The following ATP8B4 variants were observed in gnomAD, a reference collection of about 807,000 sequenced individuals.
ATP8B4 encodes ATPase phospholipid transporting 8B4 (putative), also known as probable phospholipid-transporting ATPase IM.
In ATP8B4, 133 loss-of-function variants were observed where a neutral mutation model predicts 145.6. The ratio of observed to expected loss-of-function variants is 0.91; its 90% CI spans 0.79 to 1.05. The LOEUF is 1.05. Ranked by LOEUF, ATP8B4 falls within the 50% of genes least tolerant of loss-of-function variation. The probability of loss-of-function intolerance (pLI) is 0.00; values close to 1 mark genes in which losing one functional copy is unlikely to be tolerated. For synonymous variants in ATP8B4, 507 were observed against 492.9 expected (o/e 1.03, Z -0.38); for missense variants, 1,458 against 1,425.2 (o/e 1.02, Z -0.37).
intron 1 of ATP8B4, among the ~76,000 whole-genome samples, chr15:50,177,233 G>T (rs578086886): frequency 3.9e-5 from 6 of 152,256 alleles, no homozygotes; most frequent in Non-Finnish European, 8.8e-5. Context: ...TGTGCATTAG[G>T]TGCCTCAAAT....
intron 2 of ATP8B4, among the ~76,000 whole-genome samples, chr15:50,074,931 G>A (rs1567310726): frequency 6.6e-6 from 1 of 152,184 alleles, no homozygotes; most frequent in African/African-American, 2.4e-5. Context: ...GGTACTTCCA[G>A]AGTTGACCAA....
At chr15:50,074,335 C>A in intron 2 of ATP8B4, 150 bp from the exon 3 acceptor site, 1 of 659,122 alleles carries the variant, frequency 1.5e-6, no homozygotes, top group East Asian at 2.8e-5. Context: ...TTCCAGTGTA[C>A]ATGTTGGAAC....
chr15:50,092,741 A>G (rs1280426163), intron 2 of ATP8B4, among the ~76,000 whole-genome samples: 2 of 152,032 alleles, frequency 1.3e-5, no homozygotes, highest in Non-Finnish European at 2.9e-5. Context: ...AAGGTTTATC[A>G]TATGTGTAAC....
At chr15:50,058,607 C>G (rs974783787) in intron 3 of ATP8B4, among the ~76,000 whole-genome samples, 1 of 152,138 alleles carries the variant, frequency 6.6e-6, no homozygotes, top group African/African-American at 2.4e-5. Context: ...TAAATAACAC[C>G]ACCTCAGGGG....
intron 14 of ATP8B4, among the ~76,000 whole-genome samples, chr15:49,947,775 A>G (rs1422564147): frequency 6.6e-6 from 1 of 152,164 alleles, no homozygotes; most frequent in African/African-American, 2.4e-5. Flanking sequence ...CAGTAAAGAC[A>G]GACACAGACC....
intron 2 of ATP8B4, among the ~76,000 whole-genome samples, chr15:50,085,937 T>TGATATATATCATATA (rs1567331077): frequency 5.6e-5 from 4 of 71,656 alleles, no homozygotes; most frequent in Admixed American, 3.4e-4. Flanking sequence ...TCATATATAT[T>TGATATATATCATATA]TATATATGAT....
chr15:50,129,366 G>T (rs901044049), intron 1 of ATP8B4, among the ~76,000 whole-genome samples: 7 of 152,140 alleles, frequency 4.6e-5, no homozygotes, highest in African/African-American at 1.7e-4. Context: ...TCTTATGGAG[G>T]TTCTGAGGGA....
At chr15:50,094,995 G>A (rs939397134) in intron 2 of ATP8B4, among the ~76,000 whole-genome samples, 9 of 151,922 alleles carry the variant, frequency 5.9e-5, no homozygotes, top group South Asian at 2.1e-4. Flanking sequence ...GGGTTCAACC[G>A]AACCCAGTTG....
chr15:49,862,035 T>C (rs2031914502), intron 27 of ATP8B4, among the ~76,000 whole-genome samples: 1 of 152,234 alleles, frequency 6.6e-6, no homozygotes, highest in Non-Finnish European at 1.5e-5. Context: ...CCATCCACAT[T>C]TAGTATAGAT....
chr15:50,037,379 T>C (rs893150779), intron 6 of ATP8B4, among the ~76,000 whole-genome samples: 4 of 152,194 alleles, frequency 2.6e-5, no homozygotes, highest in African/African-American at 9.7e-5. Context: ...CTCTGTCTTA[T>C]AAAGAGCCTT....
At chr15:50,047,260 G>A (rs1027836903) in intron 4 of ATP8B4, 91 bp downstream of exon 4, 5 of 776,802 alleles carry the variant, frequency 6.4e-6, no homozygotes, top group South Asian at 1.7e-5. Flanking sequence ...ACCTAATCAC[G>A]AACATTTAGC....
At position 49,985,498 on chromosome 15, in the gene ATP8B4, G is replaced by A. The variant is rs150943102; in HGVS notation, c.748+1893C>T. On this transcript the variant is annotated intron_variant, in intron 10 of 27. Coordinates refer to ENST00000284509, the MANE Select transcript of ATP8B4 (RefSeq NM_024837.4). ...ACATCCATTTGTTCATCTCCGACACGGACGAAGCCAACCACTAATTCTTCT... is the reference window on the plus strand; with the variant it reads ...ACATCCATTTGTTCATCTCCGACACAGACGAAGCCAACCACTAATTCTTCT... Among the ~76,000 whole-genome samples, 15 of 152,264 alleles carry A rather than the reference G, an allele frequency of 9.9e-5. No homozygotes were observed. The East Asian group carries it at 2.9e-3, about 29-fold the overall frequency.
Position 50,036,678 on chromosome 15 carries a change from G to C in ATP8B4, c.362+2090C>G, listed in dbSNP as rs75205978. On this transcript the variant is annotated intron_variant, in intron 6 of 27. Transcript: ENST00000284509. ...TAGGTTGCCCTCTCTGCAAGGACTTGTTACAGCATAGTTTGAAAATTCAAC... is the reference window on the plus strand; with the variant it reads ...TAGGTTGCCCTCTCTGCAAGGACTTCTTACAGCATAGTTTGAAAATTCAAC... Among the ~76,000 whole-genome samples, 1,454 of 152,270 alleles carry C rather than the reference G, an allele frequency of 9.5e-3. 32 individuals are homozygous for C. Among genetic ancestry groups the C allele is most frequent in the African/African-American group, 0.034 (1,394 of 41,550 alleles).
At chr15:49,997,792 C>T (rs539403120) in intron 8 of ATP8B4, among the ~76,000 whole-genome samples, 42 of 152,182 alleles carry the variant, frequency 2.8e-4, no homozygotes, top group Non-Finnish European at 3.1e-4. Context: ...ATACGCATTG[C>T]TAAAATAGCT....
chr15:50,116,283 G>T (rs1431671063), intron 1 of ATP8B4, among the ~76,000 whole-genome samples: 1 of 152,096 alleles, frequency 6.6e-6, no homozygotes, highest in East Asian at 1.9e-4. Context: ...TAAATGGTCT[G>T]TGTGTTTGGA....
intron 21 of ATP8B4, among the ~76,000 whole-genome samples, chr15:49,900,060 C>T (rs2037849120): frequency 6.6e-6 from 1 of 152,158 alleles, no homozygotes; most frequent in African/African-American, 2.4e-5. Context: ...GGGAATTCAG[C>T]TTGGGGGCCA....
rs1347166385 is a variant in ATP8B4, at chr15:50,078,639, T to C, written c.29-4454A>G. On this transcript the variant is annotated intron_variant, in intron 2 of 27. Transcript: ENST00000284509. ...AAAACTGCCCTGCTCCAGAGTAAGATGTAACTCTTCAAAGTGAAAGGGCCA... is the reference window on the plus strand; with the variant it reads ...AAAACTGCCCTGCTCCAGAGTAAGACGTAACTCTTCAAAGTGAAAGGGCCA... Among the ~76,000 whole-genome samples the C allele has an allele frequency of 2.0e-5, 3 of 151,748 alleles. No individual in the cohort carries two copies. The East Asian group carries it at 5.8e-4, about 29-fold the overall frequency.
chr15:50,140,114 C>A (rs1447524821), intron 1 of ATP8B4, among the ~76,000 whole-genome samples: 2 of 152,154 alleles, frequency 1.3e-5, no homozygotes, highest in South Asian at 2.1e-4. Flanking sequence ...CAAAACTCAC[C>A]AGTATATAAT....
At chr15:49,970,824 A>C (rs1435060715) in intron 13 of ATP8B4, among the ~76,000 whole-genome samples, 1 of 152,214 alleles carries the variant, frequency 6.6e-6, no homozygotes, top group East Asian at 1.9e-4. Context: ...GACAATCCTA[A>C]GCAAAAAGAA....
Sources: allele counts gnomAD v4.1 joint callset (sites outside exome capture counted in the v4.1 genomes callset), GRCh38; gene constraint gnomAD v4.1.1; transcripts MANE v1.5; gene names NCBI Gene and HGNC (gene_info 2026-07-23, HGNC 2026-07-21).